MYO6: variants seen among roughly 807,000 people sequenced by gnomAD.
MYO6 encodes myosin VI.
A neutral mutation model predicts 178.7 loss-of-function variants in MYO6; 74 were observed. That is an observed-to-expected ratio of 0.41 (90% CI 0.34 to 0.50). The LOEUF is 0.50. Among genes scored for constraint, MYO6 ranks in the 20% least tolerant of loss-of-function variants. MYO6 has a pLI of 0.09. For synonymous variants in MYO6, 477 were observed against 504.6 expected (o/e 0.95, Z 0.73); for missense variants, 1,330 against 1,547.4 (o/e 0.86, Z 2.36).
At chr6:75,793,265 A>G (rs1483711061) in intron 1 of MYO6, among the ~76,000 whole-genome samples, 11 of 152,272 alleles carry the variant, frequency 7.2e-5, no homozygotes, top group African/African-American at 2.6e-4. Flanking sequence ...TTAAGTTACA[A>G]TTCTTATATA....
intron 1 of MYO6, among the ~76,000 whole-genome samples, chr6:75,760,802 A>G (rs2149985845): frequency 6.6e-6 from 1 of 152,120 alleles, no homozygotes; most frequent in Non-Finnish European, 1.5e-5. Context: ...TCTTCTAAAA[A>G]CATATTGTTT....
At chr6:75,880,355 T>C (rs1777913095) in intron 22 of MYO6, among the ~76,000 whole-genome samples, 1 of 152,238 alleles carries the variant, frequency 6.6e-6, no homozygotes, top group South Asian at 2.1e-4. Context: ...TATTCTAAAC[T>C]CCCCATTTAT....
chr6:75,830,479 TC>T lies in MYO6; in HGVS notation c.326del (p.Ser109Ter), dbSNP rs776227791. 1 of 1,612,284 alleles carries T rather than the reference TC, an allele frequency of 6.2e-7. No homozygotes were observed. Among genetic ancestry groups the T allele is most frequent in the Non-Finnish European group, 8.5e-7 (1 of 1,178,480 alleles). ...PYFDIPKIYS[S>X]EAIKSYQGKS... ...CTTTGACATACCTAAAATATATTCT[TC>T]AGAAGCAATAAAGTCATATCAAGGA... On this transcript the variant is annotated frameshift_variant, in exon 5 of 35. Transcript: ENST00000369977. LOFTEE classifies it high-confidence loss of function.
chr6:75,909,668 G>A (rs1262842154), intron 32 of MYO6, among the ~76,000 whole-genome samples: 6 of 152,122 alleles, frequency 3.9e-5, no homozygotes, highest in Non-Finnish European at 5.9e-5. Context: ...GCAATAATTG[G>A]ACTTACTGTG....
intron 2 of MYO6, 47 bp from the exon 3 acceptor site, chr6:75,822,731 TCTTA>T (rs1270986217): frequency 2.1e-6 from 3 of 1,443,760 alleles, no homozygotes; most frequent in South Asian, 1.1e-5. Flanking sequence ...CTTCTATTGT[TCTTA>T]CTATTTAAAA....
chr6:75,906,784 C>T (rs1780362905), intron 30 of MYO6, among the ~76,000 whole-genome samples: 1 of 152,186 alleles, frequency 6.6e-6, no homozygotes, highest in Non-Finnish European at 1.5e-5. Context: ...ATTTTATTGA[C>T]TGCTTTGGAT....
chr6:75,824,308 G>A (rs1215061573), intron 3 of MYO6, among the ~76,000 whole-genome samples: 1 of 152,234 alleles, frequency 6.6e-6, no homozygotes, highest in Non-Finnish European at 1.5e-5. Context: ...CCAGATGGCA[G>A]CAGTGTTAAT....
intron 16 of MYO6, among the ~76,000 whole-genome samples, chr6:75,863,308 C>G (rs1776356937): frequency 6.6e-6 from 1 of 152,122 alleles, no homozygotes; most frequent in South Asian, 2.1e-4. Flanking sequence ...AGATAATGAT[C>G]AGCCAATTCA....
At chr6:75,906,525 A>G (rs568430476) in intron 30 of MYO6, among the ~76,000 whole-genome samples, 1 of 152,020 alleles carries the variant, frequency 6.6e-6, no homozygotes, top group Admixed American at 6.6e-5. Context: ...AAATTATAAA[A>G]ATTAGCCTGG....
intron 6 of MYO6, 74 bp from the exon 7 acceptor site, chr6:75,835,827 A>G (rs1394999401): frequency 3.6e-6 from 3 of 824,906 alleles, no homozygotes; most frequent in African/African-American, 3.4e-5. Flanking sequence ...TCAGTTTTAT[A>G]TGTACTAGAT....
intron 1 of MYO6, among the ~76,000 whole-genome samples, chr6:75,753,607 G>A (rs1436554656): frequency 2.6e-5 from 4 of 151,930 alleles, no homozygotes; most frequent in Non-Finnish European, 4.4e-5. Context: ...GACCACAGGT[G>A]TATGTCACCA....
intron 1 of MYO6, among the ~76,000 whole-genome samples, chr6:75,799,970 T>C (rs535795362): frequency 1.3e-5 from 2 of 152,184 alleles, no homozygotes; most frequent in Non-Finnish European, 2.9e-5. Flanking sequence ...TTTAAGACTT[T>C]AGGAGTTTCT....
At chr6:75,760,301 A>ATT (rs1777832260) in intron 1 of MYO6, among the ~76,000 whole-genome samples, 1 of 152,152 alleles carries the variant, frequency 6.6e-6, no homozygotes, top group African/African-American at 2.4e-5. Flanking sequence ...TTTTGGATAG[A>ATT]TTCCTTAGGG....
At chr6:75,870,061 C>T (rs1267262549) in intron 18 of MYO6, among the ~76,000 whole-genome samples, 2 of 151,694 alleles carry the variant, frequency 1.3e-5, no homozygotes, top group Non-Finnish European at 2.9e-5. Context: ...TTGCAGTGAG[C>T]CTAGATCATG....
At position 75,890,031 on chromosome 6, in the gene MYO6, G is replaced by A. The variant is rs370128958; in HGVS notation, c.2659-26G>A. The A allele has an allele frequency of 5.1e-4, 760 of 1,499,196 alleles. 4 individuals are homozygous for A. The South Asian group carries it at 5.6e-3, about 11-fold the overall frequency. The allele number at this position is 1,499,196 out of a possible 1,614,324, so 92.9% of individuals were successfully genotyped here. A position where few individuals can be genotyped will look rare whatever the true frequency, so the allele number is the denominator to read the frequency against. Reference sequence around the variant, plus strand: ...TGCAACAGAAGAAATAAGCTTTTACGTACCTATTTATTTTATTTTTTAAAG... The same window carrying A: ...TGCAACAGAAGAAATAAGCTTTTACATACCTATTTATTTTATTTTTTAAAG... On this transcript the variant is annotated intron_variant, in intron 25 of 34. Coordinates refer to ENST00000369977, the MANE Select transcript of MYO6 (RefSeq NM_004999.4).
chr6:75,772,179 T>C (rs1476998357), intron 1 of MYO6, among the ~76,000 whole-genome samples: 3 of 152,178 alleles, frequency 2.0e-5, no homozygotes. Flanking sequence ...TTAATGAGCT[T>C]CTGAGATGAA....
chr6:75,882,543 T>C (rs1381505630), intron 23 of MYO6, among the ~76,000 whole-genome samples: 1 of 152,156 alleles, frequency 6.6e-6, no homozygotes, highest in Admixed American at 6.5e-5. Flanking sequence ...AAAGACACTG[T>C]CTTGAACACC....
chr6:75,771,572 C>T (rs911051442), intron 1 of MYO6, among the ~76,000 whole-genome samples: 1 of 152,010 alleles, frequency 6.6e-6, no homozygotes, highest in African/African-American at 2.4e-5. Context: ...AATTAAGAAT[C>T]CTCCCAAATT....
chr6:75,878,678 AT>A (rs1243806328), intron 20 of MYO6, among the ~76,000 whole-genome samples: 2 of 152,212 alleles, frequency 1.3e-5, no homozygotes, highest in African/African-American at 4.8e-5. Flanking sequence ...GCTAGCAGGA[AT>A]TTATTTTGGT....
Sources: gnomAD v4.1 joint callset for allele counts (sites outside exome capture counted in the v4.1 genomes callset) on GRCh38, gnomAD v4.1.1 for gene constraint, MANE v1.5 for transcripts, NCBI Gene and HGNC (gene_info 2026-07-23, HGNC 2026-07-21) for gene names.